The following LYN variants were observed in gnomAD, a reference collection of about 807,000 sequenced individuals.
LYN encodes the protein LYN proto-oncogene, Src family tyrosine kinase, also known as tyrosine-protein kinase Lyn.
LYN carries 12 observed loss-of-function variants against 65.0 expected under a neutral mutation model. That is an observed-to-expected ratio of 0.18 (90% CI 0.12 to 0.30). The LOEUF (loss-of-function observed/expected upper bound fraction) is 0.30, where lower values mean the gene tolerates loss of function less well. Among genes scored for constraint, LYN ranks in the 10% least tolerant of loss-of-function variants. The pLI, the probability that LYN is intolerant of heterozygous loss-of-function variation, is 1.00. For missense variants in LYN, 380 were observed against 623.2 expected (o/e 0.61, Z 4.16); for synonymous variants, 222 against 221.2 (o/e 1.00, Z -0.03).
chr8:55,946,548 T>C, intron 3 of LYN, 55 bp downstream of exon 3: 1 of 1,050,354 alleles, frequency 9.5e-7, no homozygotes, highest in Non-Finnish European at 1.5e-6. Flanking sequence ...TTAGAGCTTC[T>C]ATAAAGTGAT....
At chr8:55,995,166 C>T (rs1808342365) in intron 10 of LYN, among the ~76,000 whole-genome samples, 2 of 152,154 alleles carry the variant, frequency 1.3e-5, no homozygotes, top group African/African-American at 2.4e-5. Context: ...AACTTCCTGA[C>T]GCCCTCACCA....
chr8:55,892,927 T>TC (rs1804996986), intron 1 of LYN, among the ~76,000 whole-genome samples: 3 of 152,222 alleles, frequency 2.0e-5, no homozygotes, highest in African/African-American at 7.2e-5. Flanking sequence ...ATGTTGACCC[T>TC]CCCCCAAGCA....
rs924946702 is a variant in LYN at position 55,992,488 on chromosome 8, T to A, written c.1051-5858T>A. On this transcript the variant is annotated intron_variant, in intron 10 of 12. Coordinates refer to ENST00000519728, the MANE Select transcript of LYN (RefSeq NM_002350.4). Reference sequence around the variant, plus strand: ...TGCCCTTTCCCTCACCCCAGCTCCATATGGAGCCTCCTCCTCCCTGCCTGG... The same window carrying A: ...TGCCCTTTCCCTCACCCCAGCTCCAAATGGAGCCTCCTCCTCCCTGCCTGG... 2.6e-5 allele frequency among the ~76,000 whole-genome samples: 4 copies of A among 152,180 alleles called. No homozygotes were observed. In the East Asian group the frequency reaches 7.7e-4, roughly 29 times the overall value.
At chr8:56,001,456 T>C (rs1585682176) in intron 12 of LYN, among the ~76,000 whole-genome samples, 1 of 152,176 alleles carries the variant, frequency 6.6e-6, no homozygotes, top group East Asian at 1.9e-4. Context: ...CCATCACTAC[T>C]GTTTCATGTG....
intron 10 of LYN, among the ~76,000 whole-genome samples, chr8:55,990,519 C>T (rs750055053): frequency 2.8e-4 from 43 of 152,142 alleles, no homozygotes; most frequent in Non-Finnish European, 4.4e-5. Flanking sequence ...AAATTTCCCC[C>T]ATAAGAGATG....
intron 1 of LYN, among the ~76,000 whole-genome samples, chr8:55,922,570 C>A (rs1282132522): frequency 6.6e-6 from 1 of 151,992 alleles, no homozygotes. Flanking sequence ...GAGTTCAAGA[C>A]CAGCCTGGCC....
chr8:56,002,219 A>G (rs1178165789), intron 12 of LYN, among the ~76,000 whole-genome samples: 3 of 152,112 alleles, frequency 2.0e-5, no homozygotes, highest in Non-Finnish European at 4.4e-5. Flanking sequence ...GGAGATCAAG[A>G]CCATCCTGGC....
At chr8:56,001,848 AG>A (rs1808521235) in intron 12 of LYN, among the ~76,000 whole-genome samples, 1 of 152,120 alleles carries the variant, frequency 6.6e-6, no homozygotes, top group African/African-American at 2.4e-5. Flanking sequence ...ATGGCCCCTG[AG>A]GCTTGGAGAA....
intron 1 of LYN, among the ~76,000 whole-genome samples, chr8:55,931,223 A>G (rs1176836236): frequency 6.7e-6 from 1 of 149,032 alleles, no homozygotes; most frequent in Admixed American, 6.7e-5. Flanking sequence ...TATGTAATGT[A>G]TCCTATACAT....
intron 8 of LYN, among the ~76,000 whole-genome samples, chr8:55,963,445 A>G (rs1807346086): frequency 6.6e-6 from 1 of 152,198 alleles, no homozygotes; most frequent in South Asian, 2.1e-4. Context: ...GTGTGCACTC[A>G]GCATCCTTCA....
chr8:56,006,378 G>A (rs1372568973), intron 12 of LYN, among the ~76,000 whole-genome samples: 32 of 152,108 alleles, frequency 2.1e-4, no homozygotes, highest in Non-Finnish European at 2.9e-5. Context: ...TACTCCCAGG[G>A]TATCTAGCTC....
In LYN at chr8:55,915,613, G is replaced by A. The variant is rs1805760605; in HGVS notation, c.-5-26242G>A. ...CCCAGCTACTTTGGAGGCTGAGGCAGGAGAATCTCTTGAACCCAGGAGGCG... is the reference window on the plus strand; with the variant it reads ...CCCAGCTACTTTGGAGGCTGAGGCAAGAGAATCTCTTGAACCCAGGAGGCG... On this transcript the variant is annotated intron_variant, in intron 1 of 12. Transcript: ENST00000519728. 2.6e-5 allele frequency among the ~76,000 whole-genome samples: 4 copies of A among 152,234 alleles called. No homozygotes were observed. The South Asian group carries it at 8.3e-4, about 31-fold the overall frequency.
At chr8:55,922,735 C>A (rs1196351001) in intron 1 of LYN, among the ~76,000 whole-genome samples, 1 of 151,530 alleles carries the variant, frequency 6.6e-6, no homozygotes, top group Non-Finnish European at 1.5e-5. Flanking sequence ...CCACTGCACT[C>A]CAGCCTGGGC....
chr8:55,963,642 A>G (rs1285375344), intron 8 of LYN, among the ~76,000 whole-genome samples: 1 of 152,132 alleles, frequency 6.6e-6, no homozygotes. Flanking sequence ...TCATGACTTT[A>G]TTTGCATTTC....
Position 55,996,335 on chromosome 8 carries a change from G to A in LYN, c.1051-2011G>A, listed in dbSNP as rs1015776906. ...AGGAGCTAATCTTTTGCTAAGCAACGTGGTCTGGAACTGGCGGCCTGAAGT... is the reference window on the plus strand; with the variant it reads ...AGGAGCTAATCTTTTGCTAAGCAACATGGTCTGGAACTGGCGGCCTGAAGT... On this transcript the variant is annotated intron_variant, in intron 10 of 12. Coordinates refer to ENST00000519728, the MANE Select transcript of LYN (RefSeq NM_002350.4). Among the ~76,000 whole-genome samples the A allele has an allele frequency of 3.9e-5, 6 of 152,184 alleles. No homozygotes were observed. In the South Asian group the frequency reaches 6.2e-4, roughly 16 times the overall value.
chr8:55,946,436 A>G lies in LYN; in HGVS notation c.133-12A>G. Reference sequence around the variant, plus strand: ...AACAGAATTTTTTTTTCTAACAAATATTCTCTCGTAGGTTCCAGAATCTCA... The same window carrying G: ...AACAGAATTTTTTTTTCTAACAAATGTTCTCTCGTAGGTTCCAGAATCTCA... On this transcript the variant is annotated splice_polypyrimidine_tract_variant and intron_variant, in intron 2 of 12. Coordinates refer to ENST00000519728, the MANE Select transcript of LYN (RefSeq NM_002350.4). The G allele has an allele frequency of 6.3e-7, 1 of 1,593,070 alleles. No individual in the cohort carries two copies. The highest frequency in any genetic ancestry group is 8.6e-7 in the Non-Finnish European group (1 of 1,162,608).
intron 12 of LYN, among the ~76,000 whole-genome samples, chr8:56,002,286 G>A (rs2130590409): frequency 6.6e-6 from 1 of 152,256 alleles, no homozygotes; most frequent in East Asian, 1.9e-4. Flanking sequence ...AGGCGTGGTG[G>A]CAGGCGCCTG....
intron 8 of LYN, among the ~76,000 whole-genome samples, chr8:55,954,656 T>C (rs980867738): frequency 6.6e-6 from 1 of 152,038 alleles, no homozygotes; most frequent in Non-Finnish European, 1.5e-5. Context: ...CTGAGCAACA[T>C]AGCAGACCCT....
chr8:55,938,755 A>C (rs1410351543), intron 1 of LYN, among the ~76,000 whole-genome samples: 1 of 152,238 alleles, frequency 6.6e-6, no homozygotes, highest in Non-Finnish European at 1.5e-5. Context: ...AAATAGATGA[A>C]ACATGCATTT....
Sources: allele counts gnomAD v4.1 joint callset (sites outside exome capture counted in the v4.1 genomes callset), GRCh38; gene constraint gnomAD v4.1.1; transcripts MANE v1.5; gene names NCBI Gene and HGNC (gene_info 2026-07-23, HGNC 2026-07-21).